DNAAF9: variants seen among roughly 807,000 people sequenced by gnomAD.
DNAAF9 encodes shulin.
DNAAF9 carries 90 observed loss-of-function variants against 167.0 expected under a neutral mutation model. The ratio of observed to expected loss-of-function variants is 0.54; its 90% confidence interval spans 0.45 to 0.64. DNAAF9 has a LOEUF of 0.64. DNAAF9 is among the 30% of genes least tolerant of loss of function. DNAAF9 has a pLI of 0.00. For missense variants in DNAAF9, 1,315 were observed against 1,442.2 expected, an observed-to-expected ratio of 0.91 and a Z score of 1.43; for synonymous variants, 491 against 508.8, an observed-to-expected ratio of 0.96 and a Z score of 0.47.
intron 9 of DNAAF9, among the ~76,000 whole-genome samples, chr20:3,341,828 A>C (rs915682995): frequency 6.6e-6 from 1 of 152,098 alleles, no homozygotes; most frequent in South Asian, 2.1e-4. Context: ...CCCAGGCTGG[A>C]GTGCAGTGGC....
intron 21 of DNAAF9, among the ~76,000 whole-genome samples, chr20:3,300,618 T>C (rs181676812): frequency 3.5e-4 from 52 of 150,644 alleles, no homozygotes; most frequent in African/African-American, 1.3e-3. Flanking sequence ...GCCTCACTAA[T>C]TTAAAAAATT....
At position 3,315,167 on chromosome 20, in the gene DNAAF9, T is replaced by C; in HGVS notation, c.1591-47A>G. ...CAAAAATCCAAAAAAGAATAGGTGA[T>C]TTATAGCATAAATATTCACAGAATC... On this transcript the variant is annotated intron_variant, in intron 19 of 36. Coordinates refer to ENST00000252032, the MANE Select transcript of DNAAF9 (RefSeq NM_001009984.3). The surrounding 1 kb of genome is among the most constrained non-coding windows in gnomAD (Gnocchi z 4.1). The C allele has an allele frequency of 9.2e-7, 1 of 1,089,316 alleles. No homozygotes were observed. Among genetic ancestry groups the C allele is most frequent in the Non-Finnish European group, 1.4e-6 (1 of 703,246 alleles). The allele number at this position is 1,089,316 out of a possible 1,614,324, so 67.5% of individuals were successfully genotyped here.
At position 3,269,047 on chromosome 20, in the gene DNAAF9, G is replaced by A. The variant is rs1274043631; in HGVS notation, c.2786+1380C>T. On this transcript the variant is annotated intron_variant, in intron 30 of 36. Transcript: ENST00000252032. ...GCCTCCCAAGTAGCTGGGGCTACAG[G>A]TGCCTGCCACCACACCTGGCTAATT... Among the ~76,000 whole-genome samples the A allele has an allele frequency of 2.4e-4, 37 of 151,726 alleles. No individual in the cohort carries two copies. The East Asian group carries it at 7.0e-3, about 29-fold the overall frequency.
intron 12 of DNAAF9, among the ~76,000 whole-genome samples, chr20:3,328,512 A>T (rs560609231): frequency 3.1e-4 from 47 of 152,262 alleles, no homozygotes; most frequent in African/African-American, 1.1e-3. Context: ...ACTTGAATCC[A>T]CATGTTCCAC....
chr20:3,350,132 G>GACACACAC (rs1306670611), intron 7 of DNAAF9, among the ~76,000 whole-genome samples: 24 of 137,550 alleles, frequency 1.7e-4, no homozygotes, highest in Non-Finnish European at 3.0e-4. Flanking sequence ...CAGACACACA[G>GACACACAC]ACACACAGAC....
intron 6 of DNAAF9, among the ~76,000 whole-genome samples, chr20:3,363,858 T>C (rs1490081062): frequency 6.6e-6 from 1 of 152,218 alleles, no homozygotes; most frequent in Non-Finnish European, 1.5e-5. Flanking sequence ...CTGCCATTAA[T>C]CTCATCTAGT....
chr20:3,373,741 A>AT (rs1206334095), intron 6 of DNAAF9, among the ~76,000 whole-genome samples: 1 of 152,160 alleles, frequency 6.6e-6, no homozygotes, highest in Non-Finnish European at 1.5e-5. Context: ...TAATAACAGG[A>AT]TCATAAAAGC....
intron 7 of DNAAF9, among the ~76,000 whole-genome samples, chr20:3,357,993 C>A (rs2083311424): frequency 6.6e-6 from 1 of 151,888 alleles, no homozygotes; most frequent in Non-Finnish European, 1.5e-5. Context: ...GGGAACAGAG[C>A]AAGACCCTGT....
chr20:3,351,603 C>A (rs759528465), intron 7 of DNAAF9, among the ~76,000 whole-genome samples: 1 of 151,994 alleles, frequency 6.6e-6, no homozygotes, highest in African/African-American at 2.4e-5. Context: ...TTAAAAGAAA[C>A]CGAAAACACA....
intron 1 of DNAAF9, among the ~76,000 whole-genome samples, chr20:3,393,087 A>G (rs905609013): frequency 7.9e-5 from 12 of 152,158 alleles, no homozygotes; most frequent in Non-Finnish European, 1.3e-4. Flanking sequence ...CCAGCTTAGT[A>G]CATAGAACCA....
chr20:3,382,087 T>A (rs2083661816), intron 2 of DNAAF9, among the ~76,000 whole-genome samples: 1 of 152,178 alleles, frequency 6.6e-6, no homozygotes, highest in Non-Finnish European at 1.5e-5. Flanking sequence ...TTCACTACCA[T>A]CTCTCAATGC....
chr20:3,298,395 G>A (rs1023127573), intron 21 of DNAAF9, among the ~76,000 whole-genome samples: 1 of 152,130 alleles, frequency 6.6e-6, no homozygotes, highest in African/African-American at 2.4e-5. Context: ...AGGCTAGAGT[G>A]TGATGGCTCA....
At chr20:3,274,453 T>C (rs923112620) in intron 29 of DNAAF9, among the ~76,000 whole-genome samples, 1 of 152,212 alleles carries the variant, frequency 6.6e-6, no homozygotes, top group African/African-American at 2.4e-5. Flanking sequence ...TGGACTTAGA[T>C]TATTTATCTT....
chr20:3,252,934 T>G (rs1025319952), intron 36 of DNAAF9, among the ~76,000 whole-genome samples: 1 of 152,240 alleles, frequency 6.6e-6, no homozygotes, highest in Non-Finnish European at 1.5e-5. Context: ...TATCCATCTT[T>G]TCACAGGTTA....
rs115049678 is a variant in DNAAF9, at chr20:3,301,479, C to A, written c.1782+2961G>T. Among the ~76,000 whole-genome samples, 264 of 152,288 alleles carry A rather than the reference C, an allele frequency of 1.7e-3. 1 individual carries two copies. The highest frequency in any genetic ancestry group is 5.6e-3 in the Admixed American group (86 of 15,280). ...CTAGGATTACAGGCGTGAGCCACCA[C>A]GCCCAGCCCCTTATCCTGTTTTTAA... On this transcript the variant is annotated intron_variant, in intron 21 of 36. Coordinates refer to ENST00000252032, the MANE Select transcript of DNAAF9 (RefSeq NM_001009984.3).
At chr20:3,289,159 C>T (rs1013002327) in intron 26 of DNAAF9, among the ~76,000 whole-genome samples, 3 of 152,128 alleles carry the variant, frequency 2.0e-5, no homozygotes, top group African/African-American at 7.2e-5. Flanking sequence ...CCAGCCTGGA[C>T]AACACAGCAA....
chr20:3,270,466 G>A lies in DNAAF9; in HGVS notation c.2747C>T (p.Ala916Val). The A allele has an allele frequency of 6.2e-7, 1 of 1,613,150 alleles. No individual in the cohort carries two copies. Among genetic ancestry groups the A allele is most frequent in the Non-Finnish European group, 8.5e-7 (1 of 1,179,164 alleles). Residue 916 changes from alanine (A) to valine (V), a missense_variant, in exon 30 of 37, where the codon GCT becomes GTT. By Grantham distance (64) the Ala-to-Val change is moderately conservative. Around this residue, in one of 2 missense-constraint regions of DNAAF9, gnomAD observed 334 missense variants for 429.7 expected, o/e 0.78. Transcript: ENST00000252032. ...LQSLIRAANPAAAFILAENGI... is the reference protein window; with the variant it reads ...LQSLIRAANPVAAFILAENGI... ...ATTTTCTGCAAGAATGAAGGCTGCAGCAGGATTGGCAGCCCTGATGAGGCT... is the reference window on the plus strand; with the variant it reads ...ATTTTCTGCAAGAATGAAGGCTGCAACAGGATTGGCAGCCCTGATGAGGCT...
At chr20:3,357,855 A>T (rs1287681029) in intron 7 of DNAAF9, among the ~76,000 whole-genome samples, 3 of 151,870 alleles carry the variant, frequency 2.0e-5, no homozygotes, top group Admixed American at 2.0e-4. Context: ...CAAAAAAAAT[A>T]AAAAATTAGC....
chr20:3,251,385 C>T lies in DNAAF9; in HGVS notation c.*1187G>A, dbSNP rs1043159. ...ATTCAGAAAACATTTACAGTTCAGG[C>T]AGCTGAGGCACTGAAGTCCTAAGAG... On this transcript the variant is annotated 3_prime_UTR_variant, in exon 37 of 37. Transcript: ENST00000252032. 40,930 of 152,042 alleles carry T rather than the reference C, an allele frequency of 0.27. 5,691 individuals are homozygous for T. The highest frequency in any genetic ancestry group is 0.3 in the African/African-American group (12,326 of 41,422). 9.4% of individuals were successfully genotyped at this position (152,042 alleles called of 1,614,324 possible). A position where few individuals can be genotyped will look rare whatever the true frequency, so the allele number is the denominator to read the frequency against.
Sources: allele counts gnomAD v4.1 joint callset (sites outside exome capture counted in the v4.1 genomes callset), GRCh38; gene constraint gnomAD v4.1.1; regional missense constraint gnomAD v4.1.1; non-coding constraint Gnocchi (gnomAD v3.1); transcripts MANE v1.5; gene names NCBI Gene and HGNC (gene_info 2026-07-23, HGNC 2026-07-21).